Variants in FILIP1L observed in about 807,000 individuals in gnomAD.
The protein encoded by FILIP1L is filamin A interacting protein 1 like.
A neutral mutation model predicts 96.6 loss-of-function variants in FILIP1L; 55 were observed. The ratio of observed to expected loss-of-function variants is 0.57; its 90% CI spans 0.46 to 0.71. The LOEUF (loss-of-function observed/expected upper bound fraction) is 0.71, where lower values mean the gene tolerates loss of function less well. Ranked by LOEUF, FILIP1L falls within the 30% of genes least tolerant of loss-of-function variation. The probability of loss-of-function intolerance (pLI) is 0.00; values close to 1 mark genes in which losing one functional copy is unlikely to be tolerated. For missense variants in FILIP1L, 1,304 were observed against 1,321.2 expected (o/e 0.99, Z 0.20); for synonymous variants, 467 against 473.9 (o/e 0.99, Z 0.19).
At chr3:99,932,797 C>G (rs1210864911) in intron 1 of FILIP1L, among the ~76,000 whole-genome samples, 2 of 152,196 alleles carry the variant, frequency 1.3e-5, no homozygotes, top group South Asian at 2.1e-4. Context: ...AGGCTGAAGC[C>G]CAGGAATTGC....
chr3:100,054,529 T>C (rs563375609), intron 1 of FILIP1L, among the ~76,000 whole-genome samples: 1 of 151,590 alleles, frequency 6.6e-6, no homozygotes, highest in Admixed American at 6.6e-5. Context: ...TATGTTATGT[T>C]ATGTTATGTT....
chr3:100,061,167 G>A (rs1353827220), intron 1 of FILIP1L, among the ~76,000 whole-genome samples: 2 of 152,026 alleles, frequency 1.3e-5, no homozygotes, highest in Non-Finnish European at 2.9e-5. Flanking sequence ...TAAAAGGAAG[G>A]AAGGGTACAA....
At chr3:99,987,975 C>T (rs1039652132) in intron 1 of FILIP1L, among the ~76,000 whole-genome samples, 1 of 152,134 alleles carries the variant, frequency 6.6e-6, no homozygotes, top group Non-Finnish European at 1.5e-5. Flanking sequence ...CATTCTGTTT[C>T]TTAAGAATAG....
At chr3:100,001,842 T>C (rs777046717) in intron 1 of FILIP1L, among the ~76,000 whole-genome samples, 1 of 152,234 alleles carries the variant, frequency 6.6e-6, no homozygotes, top group Non-Finnish European at 1.5e-5. Context: ...TGTTGAATGC[T>C]GCACCAGGTG....
At chr3:100,035,677 T>C (rs930903705) in intron 1 of FILIP1L, among the ~76,000 whole-genome samples, 6 of 152,242 alleles carry the variant, frequency 3.9e-5, no homozygotes, top group Admixed American at 2.0e-4. Flanking sequence ...GCAGAAACTT[T>C]TATCATTCTG....
chr3:99,878,686 G>GT (rs1480930871), intron 4 of FILIP1L, among the ~76,000 whole-genome samples: 1 of 152,170 alleles, frequency 6.6e-6, no homozygotes, highest in African/African-American at 2.4e-5. Context: ...TGGCAGCAAC[G>GT]TATCTTGTTC....
At chr3:100,078,500 G>A (rs780841169) in intron 1 of FILIP1L, among the ~76,000 whole-genome samples, 2 of 152,124 alleles carry the variant, frequency 1.3e-5, no homozygotes, top group African/African-American at 2.4e-5. Context: ...TAGGTCAAGG[G>A]TGTCCAATCT....
intron 1 of FILIP1L, among the ~76,000 whole-genome samples, chr3:100,102,128 A>G (rs1407504201): frequency 2.0e-5 from 3 of 152,208 alleles, no homozygotes; most frequent in African/African-American, 7.2e-5. Flanking sequence ...TCCTTTGGGT[A>G]TATACCCAGT....
At chr3:100,057,944 A>G (rs866943943) in intron 1 of FILIP1L, among the ~76,000 whole-genome samples, 25 of 152,320 alleles carry the variant, frequency 1.6e-4, no homozygotes, top group Middle Eastern at 3.4e-3. Flanking sequence ...AAATCTTTCG[A>G]CATCGTGAGA....
At chr3:100,050,554 C>G (rs2065353990) in intron 1 of FILIP1L, among the ~76,000 whole-genome samples, 1 of 152,102 alleles carries the variant, frequency 6.6e-6, no homozygotes, top group Non-Finnish European at 1.5e-5. Flanking sequence ...TGTTTTGAGA[C>G]AGAGTCTCGC....
chr3:99,918,192 G>C (rs796618259), intron 4 of FILIP1L, among the ~76,000 whole-genome samples: 20 of 152,110 alleles, frequency 1.3e-4, no homozygotes, highest in Admixed American at 3.9e-4. Flanking sequence ...TGGCCAGGCT[G>C]GTCTCGAACC....
intron 4 of FILIP1L, among the ~76,000 whole-genome samples, chr3:99,861,609 A>C (rs1398720315): frequency 6.6e-6 from 1 of 152,092 alleles, no homozygotes; most frequent in African/African-American, 2.4e-5. Flanking sequence ...TGCCCAAGGT[A>C]GCCTTCTTTA....
intron 3 of FILIP1L, among the ~76,000 whole-genome samples, chr3:99,928,087 AAAG>A (rs1163586972): frequency 1.3e-5 from 2 of 152,252 alleles, no homozygotes; most frequent in Admixed American, 6.5e-5. Flanking sequence ...GGGGAATGCA[AAAG>A]AAGAATAACT....
At chr3:100,059,059 T>C (rs2065514953) in intron 1 of FILIP1L, among the ~76,000 whole-genome samples, 1 of 152,208 alleles carries the variant, frequency 6.6e-6, no homozygotes, top group African/African-American at 2.4e-5. Flanking sequence ...ACCTTTAGGG[T>C]AATTTCTCTT....
intron 4 of FILIP1L, among the ~76,000 whole-genome samples, chr3:99,875,089 G>A (rs1705443263): frequency 6.6e-6 from 1 of 152,222 alleles, no homozygotes; most frequent in South Asian, 2.1e-4. Context: ...GTTTAGACCA[G>A]ATAAGGATTG....
chr3:99,839,940 G>A (rs142266577), intron 5 of FILIP1L, among the ~76,000 whole-genome samples: 82 of 152,212 alleles, frequency 5.4e-4, no homozygotes, highest in African/African-American at 1.9e-3. Flanking sequence ...GAGTCACTTG[G>A]TCCATCTCTT....
intron 1 of FILIP1L, among the ~76,000 whole-genome samples, chr3:100,028,230 A>G (rs2107252232): frequency 6.6e-6 from 1 of 152,316 alleles, no homozygotes; most frequent in Admixed American, 6.5e-5. Context: ...CAGATGAGGA[A>G]ACTCAGACAC....
rs770821604 is a variant in FILIP1L at position 99,930,848 on chromosome 3, C to T, written c.173G>A (p.Ser58Asn). The stretch of plus-strand genomic sequence containing the variant: ...GTCTTCTGCTTGGTGGCCATTACCA[C>T]TGTGTGGCTTCTCTGCCTTGGGACA... ...LPCPKAEKPH[S>N]GNGHQAEDLS... The change falls in exon 2 of 6, where the codon AGT becomes AAT. Residue 58 changes from serine to asparagine, a missense_variant. Physicochemically the swap from Ser to Asn is conservative, Grantham distance 46 (BLOSUM62 1). Transcript: ENST00000477258. 1 of 1,613,042 alleles carries T rather than the reference C, an allele frequency of 6.2e-7. No individual in the cohort carries two copies. The highest frequency in any genetic ancestry group is 8.5e-7 in the Non-Finnish European group (1 of 1,179,760).
intron 1 of FILIP1L, among the ~76,000 whole-genome samples, chr3:99,991,962 G>GTATATATACACACATATATGTGTA (rs1709533063): frequency 6.8e-6 from 1 of 147,086 alleles, no homozygotes; most frequent in African/African-American, 2.5e-5. Flanking sequence ...ATATATGTGT[G>GTATATATACACACATATATGTGTA]TATATATACA....
Sources: allele counts gnomAD v4.1 joint callset (sites outside exome capture counted in the v4.1 genomes callset), GRCh38; gene constraint gnomAD v4.1.1; transcripts MANE v1.5; gene names NCBI Gene and HGNC (gene_info 2026-07-23, HGNC 2026-07-21).